PDCD1LG2: variants seen among roughly 807,000 people sequenced by gnomAD.
PDCD1LG2 encodes the protein B7 dendritic cell molecule.
A neutral mutation model predicts 28.2 loss-of-function variants in PDCD1LG2; 32 were observed. The ratio of observed to expected loss-of-function variants is 1.13; its 90% CI spans 0.86 to 1.52. PDCD1LG2 has a LOEUF of 1.52. PDCD1LG2 is among the 40% of genes most tolerant of loss of function. The pLI, the probability that PDCD1LG2 is intolerant of heterozygous loss-of-function variation, is 0.00. For synonymous variants in PDCD1LG2, 116 were observed against 120.2 expected (o/e 0.97, Z 0.23); for missense variants, 385 against 323.8 (o/e 1.19, Z -1.45).
At chr9:5,543,919 T>C (rs979159155) in intron 3 of PDCD1LG2, among the ~76,000 whole-genome samples, 1 of 152,230 alleles carries the variant, frequency 6.6e-6, no homozygotes, top group African/African-American at 2.4e-5. Flanking sequence ...GTTAACCTGC[T>C]ATTCCTTTTC....
chr9:5,550,857 C>T (rs752803634), intron 4 of PDCD1LG2, among the ~76,000 whole-genome samples: 1 of 152,166 alleles, frequency 6.6e-6, no homozygotes, highest in Non-Finnish European at 1.5e-5. Context: ...ACATGCCTGG[C>T]TAATTTTTGT....
chr9:5,565,392 C>T (rs573416261), intron 6 of PDCD1LG2, among the ~76,000 whole-genome samples: 1 of 152,266 alleles, frequency 6.6e-6, no homozygotes, highest in Non-Finnish European at 1.5e-5. Flanking sequence ...CTATGTTGCC[C>T]AGGATGGTCT....
intron 2 of PDCD1LG2, among the ~76,000 whole-genome samples, chr9:5,533,553 A>G (rs1820523424): frequency 6.6e-6 from 1 of 152,188 alleles, no homozygotes. Context: ...AGCCAGTGTT[A>G]GAGGTGTGGA....
At position 5,557,598 on chromosome 9, in the gene PDCD1LG2, G is replaced by T; in HGVS notation, c.632-20G>T. ...CTTAGTTGCCATGTAACAGGATTCT[G>T]GTGCTTTTCCTTTGCCCAGGTCAGA... On this transcript the variant is annotated intron_variant, in intron 4 of 6. Transcript: ENST00000397747. 6.2e-7 allele frequency: 1 copy of T among 1,613,608 alleles called. No individual in the cohort carries two copies. Among genetic ancestry groups the T allele is most frequent in the South Asian group, 1.1e-5 (1 of 91,048 alleles).
At chr9:5,538,610 G>C (rs12344300) in intron 3 of PDCD1LG2, among the ~76,000 whole-genome samples, 11,204 of 151,872 alleles carry the variant, frequency 0.074, 1,334 homozygotes, top group African/African-American at 0.25. Context: ...ATGGCGTTAA[G>C]CCGGGAGGCG....
chr9:5,538,176 C>T (rs1372601842), intron 3 of PDCD1LG2, among the ~76,000 whole-genome samples: 1 of 152,052 alleles, frequency 6.6e-6, no homozygotes, highest in East Asian at 1.9e-4. Flanking sequence ...AGGTTCCTTA[C>T]CCAAAAAGCC....
At chr9:5,522,450 TCC>T (rs1820293335) in intron 1 of PDCD1LG2, 81 bp from the exon 2 acceptor site, 1 of 1,020,098 alleles carries the variant, frequency 9.8e-7, no homozygotes, top group African/African-American at 1.6e-5. Context: ...GATTTGTTAT[TCC>T]CCTGTTTTCA....
chr9:5,555,183 G>A (rs1190308538), intron 4 of PDCD1LG2, among the ~76,000 whole-genome samples: 1 of 152,156 alleles, frequency 6.6e-6, no homozygotes, highest in Non-Finnish European at 1.5e-5. Context: ...GGGAGGCTGA[G>A]ATGGGTGGAT....
chr9:5,548,163 C>T (rs987061374), intron 3 of PDCD1LG2, among the ~76,000 whole-genome samples: 9 of 152,148 alleles, frequency 5.9e-5, no homozygotes, highest in African/African-American at 2.2e-4. Context: ...CAACATCTTC[C>T]ACATCCCCAG....
At chr9:5,528,041 G>T (rs1427088243) in intron 2 of PDCD1LG2, among the ~76,000 whole-genome samples, 1 of 151,494 alleles carries the variant, frequency 6.6e-6, no homozygotes, top group Non-Finnish European at 1.5e-5. Context: ...TATTGACCAG[G>T]CTGGTCTTGA....
chr9:5,546,227 C>A (rs1477964474), intron 3 of PDCD1LG2, among the ~76,000 whole-genome samples: 1 of 152,168 alleles, frequency 6.6e-6, no homozygotes, highest in Non-Finnish European at 1.5e-5. Context: ...TCTGAAATCA[C>A]TTCTCAACCA....
intron 3 of PDCD1LG2, among the ~76,000 whole-genome samples, chr9:5,535,720 G>C (rs1820567630): frequency 6.6e-6 from 1 of 152,084 alleles, no homozygotes; most frequent in African/African-American, 2.4e-5. Context: ...TGCAGATGAA[G>C]TAGCTGAGAT....
In PDCD1LG2 at chr9:5,570,267, T is replaced by C. The variant is rs990445551; in HGVS notation, c.*308T>C. 3 of 339,162 alleles carry C rather than the reference T, an allele frequency of 8.8e-6. No individual in the cohort carries two copies. The highest frequency in any genetic ancestry group is 7.5e-4 in the Middle Eastern group (1 of 1,332). The allele number at this position is 339,162 out of a possible 1,614,324, so 21.0% of individuals were successfully genotyped here. Reference sequence around the variant, plus strand: ...TTCAGGATCCTTCTTGCTGCCAGACTGAAAGCAAAAGGAATTATTTCCCCT... The same window carrying C: ...TTCAGGATCCTTCTTGCTGCCAGACCGAAAGCAAAAGGAATTATTTCCCCT... On this transcript the variant is annotated 3_prime_UTR_variant, in exon 7 of 7. Coordinates refer to ENST00000397747, the MANE Select transcript of PDCD1LG2 (RefSeq NM_025239.4).
intron 5 of PDCD1LG2, among the ~76,000 whole-genome samples, chr9:5,562,275 G>GGTATATATA (rs1816580414): frequency 6.6e-6 from 1 of 152,014 alleles, no homozygotes; most frequent in African/African-American, 2.4e-5. Context: ...AAGAAAATGT[G>GGTATATATA]GTATATATAC....
chr9:5,532,747 TAA>T (rs1820506623), intron 2 of PDCD1LG2, among the ~76,000 whole-genome samples: 1 of 152,222 alleles, frequency 6.6e-6, no homozygotes, highest in South Asian at 2.1e-4. Context: ...TCCTGGAGGA[TAA>T]AGATTGGCCA....
At chr9:5,561,004 G>C (rs1816548481) in intron 5 of PDCD1LG2, among the ~76,000 whole-genome samples, 1 of 152,052 alleles carries the variant, frequency 6.6e-6, no homozygotes, top group East Asian at 1.9e-4. Context: ...TACGTTTCAA[G>C]AATACAGTAA....
At chr9:5,548,431 G>T (rs1289831032) in intron 3 of PDCD1LG2, among the ~76,000 whole-genome samples, 1 of 152,072 alleles carries the variant, frequency 6.6e-6, no homozygotes, top group Non-Finnish European at 1.5e-5. Context: ...TCCACATCTT[G>T]GTTATTGTGA....
At chr9:5,511,819 C>G (rs1032918710) in intron 1 of PDCD1LG2, among the ~76,000 whole-genome samples, 1 of 152,144 alleles carries the variant, frequency 6.6e-6, no homozygotes, top group Admixed American at 6.5e-5. Flanking sequence ...TGTCTTCTCC[C>G]CAGATTTCTC....
rs547220765 is a variant in PDCD1LG2, at chr9:5,563,221, C to T, written c.816+10C>T. On this transcript the variant is annotated intron_variant, in intron 6 of 6. Transcript: ENST00000397747. ...GGAAGTGAACAGTGCTGTGAGTAAG[C>T]ATGATTTTTACTTTTCTTTCTTACT... The T allele has an allele frequency of 6.2e-7, 1 of 1,605,298 alleles. No homozygotes were observed.
Sources: gnomAD v4.1 joint callset for allele counts (sites outside exome capture counted in the v4.1 genomes callset) on GRCh38, gnomAD v4.1.1 for gene constraint, MANE v1.5 for transcripts, NCBI Gene and HGNC (gene_info 2026-07-23, HGNC 2026-07-21) for gene names.